CALM2: variants seen among roughly 807,000 people sequenced by gnomAD.
CALM2 encodes the protein calmodulin-2.
A neutral mutation model predicts 19.8 loss-of-function variants in CALM2; 2 were observed. The observed-to-expected ratio is 0.10, with a 90% CI of 0.04 to 0.32. CALM2 has a LOEUF of 0.32. CALM2 is among the 10% of genes least tolerant of loss of function. The pLI is 1.00. For synonymous variants in CALM2, 51 were observed against 52.1 expected (o/e 0.98, Z 0.09); for missense variants, 38 against 178.7 (o/e 0.21, Z 4.49).
At chr2:47,176,238 G>A in intron 1 of CALM2, 3 of 607,816 alleles carry the variant, frequency 4.9e-6, no homozygotes, top group African/African-American at 1.9e-5. Flanking sequence ...CAACTCACTA[G>A]AGGAAGCCCC....
intron 2 of CALM2, 67 bp from the exon 3 acceptor site, chr2:47,162,729 T>A: frequency 1.5e-6 from 2 of 1,305,324 alleles, no homozygotes; most frequent in Non-Finnish European, 2.1e-6. Flanking sequence ...AAATGAAACG[T>A]ATTAACTCTT....
At chr2:47,176,700 T>C (rs1354749879), upstream of CALM2, 1 of 1,412,306 alleles carries the variant, frequency 7.1e-7, no homozygotes, top group Non-Finnish European at 9.2e-7. Context: ...GGCGAACGGA[T>C]GACGTAAGTG....
intron 2 of CALM2, chr2:47,163,230 C>G (rs1687210293): frequency 6.6e-6 from 1 of 152,480 alleles, no homozygotes; most frequent in Non-Finnish European, 1.5e-5. Context: ...GCTACTTTCC[C>G]TTTCTAGTAA....
intron 5 of CALM2, among the ~76,000 whole-genome samples, 159 bp downstream of exon 5, chr2:47,161,564 G>A (rs1394564668): frequency 1.3e-5 from 2 of 152,164 alleles, no homozygotes; most frequent in Non-Finnish European, 2.9e-5. Flanking sequence ...TACCTAGTCT[G>A]CAGACAACAC....
upstream of CALM2, chr2:47,176,749 C>G: frequency 1.5e-6 from 2 of 1,366,328 alleles, no homozygotes; most frequent in African/African-American, 1.5e-5. Context: ...GCCGGTGGAG[C>G]GGCCCCTGAG....
In CALM2 at chr2:47,176,420, GC is replaced by G; in HGVS notation, c.3+20del. 1 of 1,612,542 alleles carries G rather than the reference GC, an allele frequency of 6.2e-7. No homozygotes were observed. Among genetic ancestry groups the G allele is most frequent in the Non-Finnish European group, 8.5e-7 (1 of 1,179,784 alleles). On this transcript the variant is annotated intron_variant, in intron 1 of 5. Transcript: ENST00000272298. ...TCTTCCCCCCACAGGCCCAGCGCCG[GC>G]AGCTCAGCGATGCACTCACCATGCT...
At position 47,166,618 on chromosome 2, in the gene CALM2, T is replaced by C. The variant is rs373109310; in HGVS notation, c.35-3956A>G. ...TATTCCAAATTTTTACTTGTATTTT[T>C]ATACTAAAGAGTAAAAAATACCTGT... On this transcript the variant is annotated intron_variant, in intron 2 of 5. Coordinates refer to ENST00000272298, the MANE Select transcript of CALM2 (RefSeq NM_001743.6). 1.6e-4 allele frequency among the ~76,000 whole-genome samples: 24 copies of C among 152,330 alleles called. No homozygotes were observed. In the East Asian group the frequency reaches 1.9e-3, roughly 12 times the overall value.
chr2:47,167,495 A>G, intron 2 of CALM2: 1 of 176,614 alleles, frequency 5.7e-6, no homozygotes, highest in South Asian at 9.4e-5. Context: ...GCAGTTCAAG[A>G]CCAGCCTGGC....
rs61085424 is a variant in CALM2 at position 47,164,347 on chromosome 2, A to AACAC, written c.35-1689_35-1686dup. Among the ~76,000 whole-genome samples the AACAC allele has an allele frequency of 5.1e-4, 71 of 139,890 alleles. 1 individual carries two copies. The highest frequency in any genetic ancestry group is 1.7e-3 in the African/African-American group (63 of 37,754). The allele number at this position is 139,890 out of a possible 152,430, so 91.8% of individuals were successfully genotyped here. On this transcript the variant is annotated intron_variant, in intron 2 of 5. Coordinates refer to ENST00000272298, the MANE Select transcript of CALM2 (RefSeq NM_001743.6). ...GCCTGTAGTCCCCCGTCTCTACTAA[A>AACAC]ACACACACACACACACACACACACA...
chr2:47,174,216 T>C (rs987962238), intron 1 of CALM2: 1 of 152,222 alleles, frequency 6.6e-6, no homozygotes, highest in African/African-American at 2.4e-5. Flanking sequence ...CTTACTTTAC[T>C]TCCGTATAAA....
At chr2:47,161,903 G>T (rs772418940) in intron 4 of CALM2, 45 bp from the exon 5 acceptor site, 2 of 1,519,154 alleles carry the variant, frequency 1.3e-6, no homozygotes, top group Non-Finnish European at 1.8e-6. Flanking sequence ...TTACAGACTT[G>T]AGAGTTGGAA....
chr2:47,162,850 T>C (rs1687198079), intron 2 of CALM2, 188 bp from the exon 3 acceptor site: 2 of 503,594 alleles, frequency 4.0e-6, no homozygotes, highest in Admixed American at 3.8e-5. Context: ...AACGGAAAAA[T>C]ACCAATGGAG....
At chr2:47,166,590 G>A (rs1040616648) in intron 2 of CALM2, among the ~76,000 whole-genome samples, 1 of 152,046 alleles carries the variant, frequency 6.6e-6, no homozygotes, top group Non-Finnish European at 1.5e-5. Context: ...AAAGGTCAAG[G>A]TTTATTCCAA....
intron 5 of CALM2, among the ~76,000 whole-genome samples, chr2:47,161,348 G>C (rs1468476671): frequency 6.6e-6 from 1 of 152,126 alleles, no homozygotes; most frequent in Non-Finnish European, 1.5e-5. Flanking sequence ...ACAGTGCGGG[G>C]AAAGAAAGTC....
At chr2:47,169,649 T>C (rs1666604521) in intron 2 of CALM2, among the ~76,000 whole-genome samples, 1 of 152,220 alleles carries the variant, frequency 6.6e-6, no homozygotes, top group Non-Finnish European at 1.5e-5. Flanking sequence ...TGCTTAAATT[T>C]GTCTTTAATA....
chr2:47,176,893 G>A (rs1573237065), upstream of CALM2: 5 of 985,404 alleles, frequency 5.1e-6, no homozygotes, highest in Non-Finnish European at 6.0e-6. Flanking sequence ...GGGACGCGGT[G>A]CGGCTTCTGC....
At chr2:47,170,876 C>G in intron 1 of CALM2, 112 bp from the exon 2 acceptor site, 1 of 820,594 alleles carries the variant, frequency 1.2e-6, no homozygotes, top group South Asian at 1.4e-5. Context: ...CATTTAGTTC[C>G]AGCAACAAAC....
In CALM2 at chr2:47,161,710, C is replaced by A; in HGVS notation, c.421+13G>T. On this transcript the variant is annotated intron_variant, in intron 5 of 5. Transcript: ENST00000272298. ...TCAAAGTGAAGAATGAGGCGTGAGA[C>A]TGAAACATTTACCTTCATAGTTTAC... is the stretch of plus-strand genomic sequence containing the variant. 2 of 1,605,910 alleles carry A rather than the reference C, an allele frequency of 1.2e-6. No individual in the cohort carries two copies. The highest frequency in any genetic ancestry group is 1.7e-6 in the Non-Finnish European group (2 of 1,177,220).
intron 2 of CALM2, among the ~76,000 whole-genome samples, chr2:47,164,561 C>A (rs1382564911): frequency 6.6e-6 from 1 of 151,366 alleles, no homozygotes; most frequent in Non-Finnish European, 1.5e-5. Flanking sequence ...CACACCACTG[C>A]ACTCCAGCTT....
Sources: allele counts gnomAD v4.1 joint callset (sites outside exome capture counted in the v4.1 genomes callset), GRCh38; gene constraint gnomAD v4.1.1; transcripts MANE v1.5; gene names NCBI Gene and HGNC (gene_info 2026-07-23, HGNC 2026-07-21).